The following RBFOX1 variants were observed in gnomAD, a reference collection of about 807,000 sequenced individuals.
The protein encoded by RBFOX1 is RNA binding protein fox-1 homolog 1.
Under a neutral mutation model 57.7 loss-of-function variants are expected in RBFOX1, and 8 were observed. The observed-to-expected ratio is 0.14, with a 90% confidence interval of 0.08 to 0.25. RBFOX1 has a LOEUF of 0.25. RBFOX1 is among the 10% of genes least tolerant of loss of function. The pLI, the probability that RBFOX1 is intolerant of heterozygous loss-of-function variation, is 1.00. For missense variants in RBFOX1, 611 were observed against 548.5 expected, an observed-to-expected ratio of 1.11 and a Z score of -1.14; for synonymous variants, 326 against 222.4, an observed-to-expected ratio of 1.47 and a Z score of -4.15.
intron 3 of RBFOX1, among the ~76,000 whole-genome samples, chr16:6,884,804 A>G (rs2063652487): frequency 6.6e-6 from 1 of 152,158 alleles, no homozygotes; most frequent in Admixed American, 6.5e-5. Context: ...AGGCTGAGGC[A>G]GGAGAATCTC....
chr16:5,750,193 C>G (rs914892047), intron 3 of RBFOX1, among the ~76,000 whole-genome samples: 4 of 152,186 alleles, frequency 2.6e-5, no homozygotes, highest in African/African-American at 7.2e-5. Context: ...TATTTCTGAA[C>G]AGCAAATGTT....
intron 2 of RBFOX1, among the ~76,000 whole-genome samples, chr16:6,362,118 A>G (rs1205250236): frequency 6.6e-6 from 1 of 152,140 alleles, no homozygotes; most frequent in Non-Finnish European, 1.5e-5. Flanking sequence ...TAAAAGCATG[A>G]CAGAATCATT....
intron 1 of RBFOX1, among the ~76,000 whole-genome samples, chr16:5,364,472 C>A (rs535820242): frequency 6.6e-6 from 1 of 152,198 alleles, no homozygotes; most frequent in Non-Finnish European, 1.5e-5. Context: ...ACAGCCTCAG[C>A]CAAGAGGAAC....
At chr16:6,089,672 G>A (rs1597202784) in intron 1 of RBFOX1, among the ~76,000 whole-genome samples, 1 of 152,206 alleles carries the variant, frequency 6.6e-6, no homozygotes. Flanking sequence ...GGGGTCAGGT[G>A]TATGTTCTTA....
chr16:6,988,548 T>TTTTAA (rs1406859245), intron 3 of RBFOX1, among the ~76,000 whole-genome samples: 6 of 151,504 alleles, frequency 4.0e-5, no homozygotes, highest in Non-Finnish European at 8.8e-5. Flanking sequence ...TCCCTTTTTA[T>TTTTAA]TTTAATTTAA....
intron 4 of RBFOX1, among the ~76,000 whole-genome samples, chr16:7,076,729 C>T (rs1468400810): frequency 6.6e-6 from 1 of 152,156 alleles, no homozygotes. Flanking sequence ...CCAAGATGTT[C>T]ACTCGTAACA....
chr16:5,944,542 T>A (rs1436109615), intron 4 of RBFOX1, among the ~76,000 whole-genome samples: 1 of 151,688 alleles, frequency 6.6e-6, no homozygotes, highest in Non-Finnish European at 1.5e-5. Flanking sequence ...AAATCCCGAG[T>A]TGGTCCCTTC....
intron 3 of RBFOX1, among the ~76,000 whole-genome samples, chr16:6,854,423 G>A (rs570155720): frequency 6.6e-6 from 1 of 152,010 alleles, no homozygotes; most frequent in Admixed American, 6.6e-5. Flanking sequence ...AGGATGATCT[G>A]GGAAGCTAAA....
intron 4 of RBFOX1, among the ~76,000 whole-genome samples, chr16:7,358,895 C>G (rs1401509754): frequency 2.6e-5 from 4 of 152,144 alleles, no homozygotes; most frequent in African/African-American, 7.2e-5. Context: ...GACAGTAAGA[C>G]CATTCTGCCC....
At chr16:6,864,292 C>T (rs183125851) in intron 3 of RBFOX1, among the ~76,000 whole-genome samples, 10 of 152,220 alleles carry the variant, frequency 6.6e-5, no homozygotes, top group Admixed American at 3.9e-4. Flanking sequence ...AATTAGAGAA[C>T]ACACTTCATT....
rs1344893441 is a variant in RBFOX1, at chr16:5,618,286, A to G, written c.318+19325A>G. Among the ~76,000 whole-genome samples the G allele has an allele frequency of 2.0e-5, 3 of 152,124 alleles. No homozygotes were observed. The East Asian group carries it at 5.8e-4, about 29-fold the overall frequency. On this transcript the variant is annotated intron_variant, in intron 3 of 19. Coordinates refer to the RBFOX1 transcript ENST00000641259. ...TGATGATGGCTGTGTGGGTATATGC[A>G]TGAGTCCAGATTCATCCAATCATAT...
chr16:5,775,223 T>C (rs1455569288), intron 3 of RBFOX1, among the ~76,000 whole-genome samples: 2 of 152,184 alleles, frequency 1.3e-5, no homozygotes, highest in Non-Finnish European at 2.9e-5. Context: ...TCCCCAAATG[T>C]ATCTCCTTAC....
At chr16:7,173,423 G>T (rs1356394239) in intron 4 of RBFOX1, among the ~76,000 whole-genome samples, 6 of 152,106 alleles carry the variant, frequency 3.9e-5, no homozygotes, top group Admixed American at 3.3e-4. Context: ...ATATATCTGT[G>T]CATTCAGTGA....
At chr16:5,241,587 G>A (rs1401172792) in intron 1 of RBFOX1, among the ~76,000 whole-genome samples, 2 of 152,214 alleles carry the variant, frequency 1.3e-5, no homozygotes, top group Non-Finnish European at 2.9e-5. Flanking sequence ...GCACACGCCA[G>A]TTACCCTGTC....
At chr16:5,275,133 G>A (rs887551477) in intron 1 of RBFOX1, among the ~76,000 whole-genome samples, 1 of 152,200 alleles carries the variant, frequency 6.6e-6, no homozygotes, top group Non-Finnish European at 1.5e-5. Context: ...GCAAGGAAGA[G>A]GTACAGTGTA....
intron 3 of RBFOX1, among the ~76,000 whole-genome samples, chr16:5,757,452 G>C (rs1230827360): frequency 6.6e-6 from 1 of 151,950 alleles, no homozygotes; most frequent in Admixed American, 6.6e-5. Context: ...GGATGGTCTC[G>C]ATCTCTTGAC....
chr16:6,825,964 G>A (rs565410287), intron 3 of RBFOX1, among the ~76,000 whole-genome samples: 2 of 152,130 alleles, frequency 1.3e-5, no homozygotes, highest in South Asian at 4.1e-4. Flanking sequence ...TTAACGATAC[G>A]AGTTTCCATG....
At chr16:6,954,294 A>C (rs1483247556) in intron 3 of RBFOX1, among the ~76,000 whole-genome samples, 1 of 152,162 alleles carries the variant, frequency 6.6e-6, no homozygotes. Flanking sequence ...CAATTTTGAC[A>C]GTGAGACTTG....
intron 4 of RBFOX1, among the ~76,000 whole-genome samples, chr16:7,393,589 A>C (rs1389597578): frequency 1.3e-5 from 2 of 152,148 alleles, no homozygotes; most frequent in African/African-American, 4.8e-5. Context: ...GGTGGTAATG[A>C]ATCAGGATAA....
Sources: allele counts gnomAD v4.1 joint callset (sites outside exome capture counted in the v4.1 genomes callset), GRCh38; gene constraint gnomAD v4.1.1; transcripts MANE v1.5; gene names NCBI Gene and HGNC (gene_info 2026-07-23, HGNC 2026-07-21).